The following APBB2 variants were observed in gnomAD, a reference collection of about 807,000 sequenced individuals.
APBB2 encodes amyloid beta precursor protein binding family B member 2, also known as Fe65-like 1.
APBB2 carries 38 observed loss-of-function variants against 82.5 expected under a neutral mutation model. The ratio of observed to expected loss-of-function variants is 0.46; its 90% CI spans 0.36 to 0.60. The LOEUF (loss-of-function observed/expected upper bound fraction) is 0.60. APBB2 is among the 20% of genes least tolerant of loss of function. APBB2 has a pLI of 0.00. For missense variants in APBB2, 772 were observed against 972.3 expected, an observed-to-expected ratio of 0.79 and a Z score of 2.74; for synonymous variants, 341 against 368.2, an observed-to-expected ratio of 0.93 and a Z score of 0.85.
At chr4:40,971,136 A>G (rs1457946281) in intron 6 of APBB2, among the ~76,000 whole-genome samples, 1 of 152,210 alleles carries the variant, frequency 6.6e-6, no homozygotes, top group Non-Finnish European at 1.5e-5. Flanking sequence ...CTTATTGCTC[A>G]GTAGATTTCT....
chr4:41,044,847 T>A (rs553899637), intron 4 of APBB2, among the ~76,000 whole-genome samples: 2 of 152,192 alleles, frequency 1.3e-5, no homozygotes, highest in Non-Finnish European at 2.9e-5. Context: ...CTAAAATACA[T>A]GATTTTTTCT....
chr4:40,999,915 A>G (rs1804661395), intron 6 of APBB2, among the ~76,000 whole-genome samples: 1 of 152,080 alleles, frequency 6.6e-6, no homozygotes, highest in Non-Finnish European at 1.5e-5. Flanking sequence ...AAAAAAAGGC[A>G]GGGAACAGTG....
intron 10 of APBB2, among the ~76,000 whole-genome samples, chr4:40,894,537 A>G (rs1773115699): frequency 6.6e-6 from 1 of 152,212 alleles, no homozygotes; most frequent in East Asian, 1.9e-4. Context: ...GCAGCAAAAC[A>G]AGGAAAAAAA....
Position 40,812,033 on chromosome 4 carries a change from G to A in APBB2, c.*4059C>T, listed in dbSNP as rs1316487747. 2 of 152,188 alleles carry A rather than the reference G, an allele frequency of 1.3e-5. No individual in the cohort carries two copies. The highest frequency in any genetic ancestry group is 2.4e-5 in the African/African-American group (1 of 41,442). The allele number at this position is 152,188 out of a possible 1,614,324, so 9.4% of individuals were successfully genotyped here. On this transcript the variant is annotated 3_prime_UTR_variant, in exon 18 of 18. Coordinates refer to ENST00000508593, the MANE Select transcript of APBB2 (RefSeq NM_004307.2). ...GCAAGACCGCTTACAAAAGACTCGA[G>A]TTGGTGACTAAATAGGCTTCTATGT... is the stretch of plus-strand genomic sequence containing the variant.
intron 2 of APBB2, among the ~76,000 whole-genome samples, chr4:41,104,270 T>C (rs1482067912): frequency 6.6e-6 from 1 of 152,166 alleles, no homozygotes; most frequent in Admixed American, 6.5e-5. Context: ...ATAACAAAAC[T>C]GACTTTAAAT....
intron 10 of APBB2, among the ~76,000 whole-genome samples, chr4:40,929,012 A>C (rs1783419900): frequency 2.0e-5 from 3 of 150,690 alleles, no homozygotes; most frequent in African/African-American, 7.3e-5. Flanking sequence ...TGGTAAAATC[A>C]GAATACAGTG....
intron 2 of APBB2, among the ~76,000 whole-genome samples, chr4:41,101,470 CAAAAAAAAAAAAAAAA>C (rs150527764): frequency 2.8e-5 from 2 of 72,524 alleles, no homozygotes; most frequent in African/African-American, 5.6e-5. Flanking sequence ...GACTCCGTCT[CAAAAAAAAAAAAAAAA>C]AAAAAAAAAA....
chr4:40,838,571 G>A (rs910671046), intron 12 of APBB2, among the ~76,000 whole-genome samples: 2 of 152,106 alleles, frequency 1.3e-5, no homozygotes, highest in Non-Finnish European at 2.9e-5. Context: ...TCCTGACCTC[G>A]TGATCCGCCT....
intron 3 of APBB2, among the ~76,000 whole-genome samples, chr4:41,074,612 T>A (rs368649739): frequency 0.33 from 46,808 of 140,062 alleles, 8,483 homozygotes; most frequent in East Asian, 0.69. Context: ...ATTATTATTT[T>A]TTTTTTTTTT....
chr4:41,048,623 T>G (rs1462858771), intron 4 of APBB2, among the ~76,000 whole-genome samples: 2 of 151,418 alleles, frequency 1.3e-5, no homozygotes, highest in Non-Finnish European at 1.5e-5. Flanking sequence ...AATAAAAATA[T>G]TCTCCCTCTC....
chr4:41,149,161 CT>C (rs1311999572), intron 1 of APBB2, among the ~76,000 whole-genome samples: 1 of 151,808 alleles, frequency 6.6e-6, no homozygotes. Flanking sequence ...CTCCCCAACA[CT>C]TTTTTTTCAC....
chr4:41,159,636 A>T (rs975701512), intron 1 of APBB2, among the ~76,000 whole-genome samples: 6 of 152,134 alleles, frequency 3.9e-5, no homozygotes, highest in Non-Finnish European at 5.9e-5. Context: ...TAATCTGTCA[A>T]TTCTTATAGA....
intron 12 of APBB2, chr4:40,842,580 A>G (rs1756206633): frequency 9.2e-6 from 2 of 217,802 alleles, no homozygotes. Context: ...GAGCCACATT[A>G]TGATGAAGCC....
Position 40,838,329 on chromosome 4 carries a change from ATTTTTT to A in APBB2, c.1530-7758_1530-7753del, listed in dbSNP as rs780767835. 1.1e-3 allele frequency among the ~76,000 whole-genome samples: 80 copies of A among 72,254 alleles called. 1 individual carries two copies. The highest frequency in any genetic ancestry group is 7.0e-3 in the East Asian group (18 of 2,574). The allele number at this position is 72,254 out of a possible 152,430, so 47.4% of individuals were successfully genotyped here. On this transcript the variant is annotated intron_variant, in intron 12 of 17. Transcript: ENST00000508593. The stretch of plus-strand genomic sequence containing the variant: ...AGGTGTGCACCACCACACATGGCTA[ATTTTTT>A]TTTTTTTTTTTTTTTTTTGAGACGG...
intron 2 of APBB2, among the ~76,000 whole-genome samples, chr4:41,122,116 G>T (rs745598110): frequency 6.6e-6 from 1 of 152,042 alleles, no homozygotes; most frequent in Non-Finnish European, 1.5e-5. Flanking sequence ...GTACAGACAG[G>T]AGTCTTACTA....
chr4:41,193,071 AT>A (rs1471921014), intron 1 of APBB2, among the ~76,000 whole-genome samples: 1 of 152,210 alleles, frequency 6.6e-6, no homozygotes, highest in African/African-American at 2.4e-5. Flanking sequence ...AAGAAACTGT[AT>A]TTAAAATTTT....
intron 6 of APBB2, among the ~76,000 whole-genome samples, chr4:40,973,496 C>T (rs1300723486): frequency 6.6e-6 from 1 of 152,228 alleles, no homozygotes; most frequent in Admixed American, 6.5e-5. Context: ...TCACTGGAGT[C>T]ATCACCTATT....
intron 13 of APBB2, among the ~76,000 whole-genome samples, chr4:40,828,476 G>A (rs1750723372): frequency 6.6e-6 from 1 of 152,220 alleles, no homozygotes. Flanking sequence ...GCGAGCAAGA[G>A]GGCTGCCGAC....
chr4:41,044,550 C>G (rs999430622), intron 4 of APBB2, among the ~76,000 whole-genome samples: 13 of 152,170 alleles, frequency 8.5e-5, no homozygotes, highest in African/African-American at 3.1e-4. Flanking sequence ...AATATTTCCT[C>G]CACTGATTTT....
Sources: allele counts gnomAD v4.1 joint callset (sites outside exome capture counted in the v4.1 genomes callset), GRCh38; gene constraint gnomAD v4.1.1; transcripts MANE v1.5; gene names NCBI Gene and HGNC (gene_info 2026-07-23, HGNC 2026-07-21).